ATP10A: variants seen among roughly 807,000 people sequenced by gnomAD.
ATP10A encodes the protein phospholipid-transporting ATPase VA.
ATP10A carries 111 observed loss-of-function variants against 147.8 expected under a neutral mutation model. The observed-to-expected ratio is 0.75, with a 90% CI of 0.64 to 0.88. The LOEUF (loss-of-function observed/expected upper bound fraction) is 0.88, where lower values mean the gene tolerates loss of function less well. ATP10A is among the 40% of genes least tolerant of loss of function. ATP10A has a pLI of 0.00. For missense variants in ATP10A, 1,927 were observed against 1,959.0 expected, an observed-to-expected ratio of 0.98 and a Z score of 0.31; for synonymous variants, 875 against 841.6, an observed-to-expected ratio of 1.04 and a Z score of -0.69.
intron 3 of ATP10A, 146 bp from the exon 4 acceptor site, chr15:25,727,412 C>A: frequency 1.5e-6 from 1 of 668,432 alleles, no homozygotes; most frequent in Non-Finnish European, 2.6e-6. Context: ...AGGGGGCCCC[C>A]GAGAGTGGGT....
At chr15:25,829,281 C>T (rs1042250651) in intron 1 of ATP10A, among the ~76,000 whole-genome samples, 16 of 152,118 alleles carry the variant, frequency 1.1e-4, no homozygotes, top group African/African-American at 3.9e-4. Flanking sequence ...GTGATGATGT[C>T]ACCTCACAGC....
chr15:25,693,800 G>A (rs1285879709), intron 14 of ATP10A, among the ~76,000 whole-genome samples: 1 of 152,228 alleles, frequency 6.6e-6, no homozygotes, highest in East Asian at 1.9e-4. Context: ...GTTCAGGCCA[G>A]TGCTCGCTCT....
chr15:25,682,667 G>C (rs1195992818), intron 17 of ATP10A, among the ~76,000 whole-genome samples: 1 of 152,232 alleles, frequency 6.6e-6, no homozygotes, highest in Non-Finnish European at 1.5e-5. Context: ...CATGCGGCCT[G>C]CTTCTGTGGG....
In ATP10A at chr15:25,862,411, G is replaced by A; in HGVS notation, c.449+237C>T. The stretch of plus-strand genomic sequence containing the variant: ...TCTGGCCCCGACACGGAGTGACAGG[G>A]GATCCCCACGCGTCCCCGCATCCAG... On this transcript the variant is annotated intron_variant, in intron 1 of 20. Coordinates refer to ENST00000555815, the MANE Select transcript of ATP10A (RefSeq NM_024490.4). 4.6e-6 allele frequency: 3 copies of A among 652,708 alleles called. No homozygotes were observed. In the South Asian group the frequency reaches 4.9e-5, roughly 11 times the overall value. The allele number at this position is 652,708 out of a possible 1,614,324, so 40.4% of individuals were successfully genotyped here.
chr15:25,722,991 A>G (rs563527007), intron 6 of ATP10A, among the ~76,000 whole-genome samples: 47 of 152,314 alleles, frequency 3.1e-4, no homozygotes, highest in African/African-American at 1.1e-3. Context: ...TAAATCCTGG[A>G]GGAGAAAAAG....
intron 10 of ATP10A, chr15:25,709,709 CAGA>C: frequency 6.6e-6 from 1 of 152,464 alleles, no homozygotes; most frequent in South Asian, 2.1e-4. Flanking sequence ...CCCTGCCAGG[CAGA>C]AGTGGCTGAG....
intron 3 of ATP10A, among the ~76,000 whole-genome samples, chr15:25,730,179 T>C (rs1902877676): frequency 6.7e-6 from 1 of 149,660 alleles, no homozygotes; most frequent in African/African-American, 2.5e-5. Context: ...TACACACCTG[T>C]AATCCCAGCT....
intron 2 of ATP10A, among the ~76,000 whole-genome samples, chr15:25,757,342 C>CA (rs1276519962): frequency 2.6e-5 from 4 of 151,648 alleles, no homozygotes; most frequent in Non-Finnish European, 4.4e-5. Flanking sequence ...TAGCTTTTCA[C>CA]AAAAAATAAA....
chr15:25,712,616 C>T (rs1427221559), intron 10 of ATP10A, among the ~76,000 whole-genome samples: 6 of 152,142 alleles, frequency 3.9e-5, no homozygotes, highest in Non-Finnish European at 7.3e-5. Context: ...AAACAAGAAT[C>T]GATTTTCAGA....
intron 1 of ATP10A, among the ~76,000 whole-genome samples, chr15:25,798,649 C>T (rs572792905): frequency 3.3e-5 from 5 of 152,206 alleles, no homozygotes; most frequent in African/African-American, 7.2e-5. Flanking sequence ...AGAGAAGGCA[C>T]GCTCTTTTCC....
rs145309301 is a variant in ATP10A, at chr15:25,745,181, C to G, written c.655-9040G>C. On this transcript the variant is annotated intron_variant, in intron 2 of 20. Coordinates refer to ENST00000555815, the MANE Select transcript of ATP10A (RefSeq NM_024490.4). Reference sequence around the variant, plus strand: ...ACTCTACTAAAAATACAAAAATTAGCTGGGTGTGATGTCACGTGTCTGTAA... The same window carrying G: ...ACTCTACTAAAAATACAAAAATTAGGTGGGTGTGATGTCACGTGTCTGTAA... Among the ~76,000 whole-genome samples, 46 of 152,160 alleles carry G rather than the reference C, an allele frequency of 3.0e-4. No homozygotes were observed. The East Asian group carries it at 7.9e-3, about 26-fold the overall frequency.
rs60554066 is a variant in ATP10A at position 25,854,308 on chromosome 15, G to A, written c.449+8340C>T. Among the ~76,000 whole-genome samples, 17 of 152,254 alleles carry A rather than the reference G, an allele frequency of 1.1e-4. No individual in the cohort carries two copies. In the East Asian group the frequency reaches 3.3e-3, roughly 29 times the overall value. On this transcript the variant is annotated intron_variant, in intron 1 of 20. Transcript: ENST00000555815. ...AGGATCAATTACATTAATATCCACT[G>A]ATCATCCCCAGAATAAAACAAATTT...
chr15:25,797,534 T>C (rs936349116), intron 1 of ATP10A, among the ~76,000 whole-genome samples: 1 of 152,232 alleles, frequency 6.6e-6, no homozygotes, highest in Non-Finnish European at 1.5e-5. Flanking sequence ...GTGCTAGGTT[T>C]TCTCTTAGAA....
chr15:25,763,807 C>T (rs1384122766), intron 2 of ATP10A, among the ~76,000 whole-genome samples: 1 of 152,092 alleles, frequency 6.6e-6, no homozygotes, highest in Non-Finnish European at 1.5e-5. Context: ...ATAAAGCATC[C>T]CTAAAATTAT....
At chr15:25,766,265 G>A (rs563743284) in intron 2 of ATP10A, among the ~76,000 whole-genome samples, 2 of 152,288 alleles carry the variant, frequency 1.3e-5, no homozygotes, top group South Asian at 2.1e-4. Context: ...TACAATTCAA[G>A]TTGAGATTTG....
Position 25,726,078 on chromosome 15 carries a change from A to G in ATP10A, c.852T>C (p.His284=). The change falls in exon 5 of 21, where the codon CAT becomes CAC. Residue 284 remains histidine (H), a synonymous_variant. Transcript: ENST00000555815. ...TGTTGTTCAGCAGAGCCTTGGTTTC[A>G]TGTCCTGTCGGGGAGGACAAAGAGA... is the stretch of plus-strand genomic sequence containing the variant. ...AVVGIVIYAG[H]ETKALLNNSG... 1.2e-6 allele frequency: 2 copies of G among 1,613,724 alleles called. No individual in the cohort carries two copies. The highest frequency in any genetic ancestry group is 1.7e-6 in the Non-Finnish European group (2 of 1,179,786).
At chr15:25,791,325 C>G (rs1890413576) in intron 1 of ATP10A, among the ~76,000 whole-genome samples, 1 of 152,128 alleles carries the variant, frequency 6.6e-6, no homozygotes, top group African/African-American at 2.4e-5. Context: ...TGAATTAACT[C>G]TGCATGTTTC....
chr15:25,833,863 T>G (rs1892474456), intron 1 of ATP10A, among the ~76,000 whole-genome samples: 1 of 152,152 alleles, frequency 6.6e-6, no homozygotes, highest in South Asian at 2.1e-4. Flanking sequence ...TCCCAGCTAC[T>G]TGGGAGGCTG....
chr15:25,781,126 G>A lies in ATP10A; in HGVS notation c.547C>T (p.Leu183=). ...CCGTCGGGGTCACTGGAGGAGAGCA[G>A]CAGAATGTCCGCAGGGAAGATTTCG... ...CNEIFPADIL[L]LSSSDPDGLC... is the part of the protein sequence containing the mutation. The change falls in exon 2 of 21, where the codon CTG becomes TTG. Residue 183 remains leucine (L), a synonymous_variant. Transcript: ENST00000555815. 6.2e-7 allele frequency: 1 copy of A among 1,614,238 alleles called. No individual in the cohort carries two copies. The highest frequency in any genetic ancestry group is 8.5e-7 in the Non-Finnish European group (1 of 1,180,052).
Sources: allele counts gnomAD v4.1 joint callset (sites outside exome capture counted in the v4.1 genomes callset), GRCh38; gene constraint gnomAD v4.1.1; transcripts MANE v1.5; gene names NCBI Gene and HGNC (gene_info 2026-07-23, HGNC 2026-07-21).